FBXO34: variants seen among roughly 807,000 people sequenced by gnomAD.
FBXO34 encodes F-box only protein 34.
FBXO34 carries 12 observed loss-of-function variants against 24.5 expected under a neutral mutation model. The observed-to-expected ratio is 0.49, with a 90% CI of 0.31 to 0.79. FBXO34 has a LOEUF of 0.79. FBXO34 is among the 30% of genes least tolerant of loss of function. FBXO34 has a pLI of 0.04. For synonymous variants in FBXO34, 320 were observed against 311.9 expected (o/e 1.03, Z -0.27); for missense variants, 823 against 857.7 (o/e 0.96, Z 0.51).
At position 55,351,690 on chromosome 14, in the gene FBXO34, T is replaced by C. The variant is rs1884385406; in HGVS notation, c.1300T>C (p.Cys434Arg). 1 of 1,614,048 alleles carries C rather than the reference T, an allele frequency of 6.2e-7. No individual in the cohort carries two copies. The highest frequency in any genetic ancestry group is 1.7e-5 in the Admixed American group (1 of 60,002). ...ASELPTDAVD[C>R]MSRELVSLTS... is the part of the protein sequence containing the mutation. ...TGAATTGCCCACAGATGCTGTTGAT[T>C]GTATGAGCAGAGAGCTTGTGTCCCT... is the stretch of plus-strand genomic sequence containing the variant. Residue 434 changes from cysteine to arginine, a missense_variant, in exon 2 of 2, where the codon TGT becomes CGT. This residue lies in a region of FBXO34 where 693 missense variants were observed against 659.1 expected (regional missense o/e 1.05). Transcript: ENST00000313833.
chr14:55,421,543 A>AG, the FBXO34 span, among the ~76,000 whole-genome samples: 2 of 152,216 alleles, frequency 1.3e-5, no homozygotes, highest in African/African-American at 4.8e-5. Flanking sequence ...GGCTCACTGC[A>AG]GCCTCTGCCT....
chr14:55,305,707 C>T (rs1451378984), intron 1 of FBXO34, among the ~76,000 whole-genome samples: 2 of 151,784 alleles, frequency 1.3e-5, no homozygotes, highest in Non-Finnish European at 1.5e-5. Context: ...CAACAGGAGT[C>T]GTACAGGTGA....
At position 55,351,974 on chromosome 14, in the gene FBXO34, T is replaced by A; in HGVS notation, c.1584T>A (p.Ala528=). ...DSASEEKSGS[A]EPFVLPASSV... is the part of the protein sequence containing the mutation. ...CATCTGAGGAAAAAAGTGGGTCTGC[T>A]GAGCCATTTGTACTGCCAGCCTCTT... Residue 528 remains alanine, a synonymous_variant, in exon 2 of 2, where the codon GCT becomes GCA. Transcript: ENST00000313833. 1 of 1,614,188 alleles carries A rather than the reference T, an allele frequency of 6.2e-7. No individual in the cohort carries two copies. Among genetic ancestry groups the A allele is most frequent in the Non-Finnish European group, 8.5e-7 (1 of 1,180,032 alleles).
downstream of FBXO34, chr14:55,369,865 T>A (rs1566575921): frequency 6.2e-7 from 1 of 1,613,998 alleles, no homozygotes; most frequent in South Asian, 1.1e-5. Context: ...CTCCAGCAAC[T>A]CCGGGATCCA....
intron 1 of FBXO34, among the ~76,000 whole-genome samples, chr14:55,337,186 C>T (rs920535039): frequency 1.3e-5 from 2 of 152,070 alleles, no homozygotes; most frequent in Non-Finnish European, 1.5e-5. Context: ...GTTGCCCAGG[C>T]TGGTCTCTAA....
intron 1 of FBXO34, among the ~76,000 whole-genome samples, chr14:55,334,427 A>G (rs1156761809): frequency 1.3e-5 from 2 of 151,884 alleles, no homozygotes; most frequent in Admixed American, 6.6e-5. Context: ...TTCTATCTTG[A>G]AGACAGGGTA....
the FBXO34 span, among the ~76,000 whole-genome samples, chr14:55,387,266 G>A: frequency 3.9e-5 from 6 of 152,144 alleles, no homozygotes; most frequent in African/African-American, 9.6e-5. Flanking sequence ...CACACCCTTC[G>A]CTCTAGCTGT....
the FBXO34 span, chr14:55,411,487 C>G: frequency 1.1e-5 from 11 of 1,027,670 alleles, no homozygotes; most frequent in Admixed American, 4.9e-5. Flanking sequence ...CCCTCTCTCT[C>G]GCTCCTCTCG....
downstream of FBXO34, among the ~76,000 whole-genome samples, chr14:55,364,301 CCCA>C (rs1165020479): frequency 2.0e-5 from 3 of 152,124 alleles, no homozygotes; most frequent in South Asian, 4.2e-4. Context: ...TTAGATCCCT[CCCA>C]CCACCAGAGT....
At chr14:55,360,079 ATTTT>A (rs536909336) in intron 3 of FBXO34, among the ~76,000 whole-genome samples, 2 of 148,936 alleles carry the variant, frequency 1.3e-5, no homozygotes, top group South Asian at 2.1e-4. Context: ...GAAAAAAATA[ATTTT>A]TTTTTTTGAG....
the FBXO34 span, among the ~76,000 whole-genome samples, chr14:55,399,975 A>G: frequency 6.6e-6 from 1 of 152,270 alleles, no homozygotes; most frequent in Non-Finnish European, 1.5e-5. Context: ...CAAACAAAAG[A>G]TAAGTCCTAG....
chr14:55,391,174 A>G, the FBXO34 span: 4 of 497,996 alleles, frequency 8.0e-6, no homozygotes, highest in East Asian at 1.6e-4. Flanking sequence ...TTCTAGTTCA[A>G]TGCAGAGAAA....
chr14:55,342,213 A>C (rs912825827), intron 1 of FBXO34, among the ~76,000 whole-genome samples: 2 of 152,208 alleles, frequency 1.3e-5, no homozygotes, highest in Admixed American at 1.3e-4. Flanking sequence ...ATAACTTTGA[A>C]GCAGGTAGGT....
chr14:55,390,225 C>G, the FBXO34 span, among the ~76,000 whole-genome samples: 767 of 152,224 alleles, frequency 5.0e-3, 10 homozygotes, highest in African/African-American at 0.017. Context: ...TGCCTGCCAC[C>G]ACGCCCGGCT....
intron 1 of FBXO34, among the ~76,000 whole-genome samples, chr14:55,310,533 A>C (rs1882699215): frequency 6.6e-6 from 1 of 152,148 alleles, no homozygotes; most frequent in South Asian, 2.1e-4. Flanking sequence ...GAAGATGAGA[A>C]ATGTAGACTA....
At chr14:55,368,223 A>ATTCT (rs1054589632), downstream of FBXO34, 1 of 152,162 alleles carries the variant, frequency 6.6e-6, no homozygotes, top group Admixed American at 6.6e-5. Context: ...GCTGAGGGAA[A>ATTCT]TTCTTTTTTT....
At chr14:55,405,563 AT>A in the FBXO34 span, among the ~76,000 whole-genome samples, 1 of 152,210 alleles carries the variant, frequency 6.6e-6, no homozygotes, top group African/African-American at 2.4e-5. Context: ...GTATCCTTAG[AT>A]TAATTCTCAG....
intron 1 of FBXO34, among the ~76,000 whole-genome samples, chr14:55,302,552 A>G (rs958963313): frequency 2.7e-5 from 4 of 149,460 alleles, no homozygotes; most frequent in African/African-American, 7.3e-5. Flanking sequence ...TGGCCTCCCA[A>G]AGTGCTAGGA....
At chr14:55,402,963 ATATAT>A in the FBXO34 span, among the ~76,000 whole-genome samples, 114 of 78,322 alleles carry the variant, frequency 1.5e-3, 1 homozygote, top group African/African-American at 3.9e-3. Flanking sequence ...ATATATATAT[ATATAT>A]AAATAGCTGG....
Sources: allele counts gnomAD v4.1 joint callset (sites outside exome capture counted in the v4.1 genomes callset), GRCh38; gene constraint gnomAD v4.1.1; regional missense constraint gnomAD v4.1.1; transcripts MANE v1.5; gene names NCBI Gene and HGNC (gene_info 2026-07-23, HGNC 2026-07-21).